Variants in LGALS13 observed in about 807,000 individuals in gnomAD.
LGALS13 encodes the protein galectin 13, also known as galactoside-binding soluble lectin 13.
Under a neutral mutation model 13.2 loss-of-function variants are expected in LGALS13, and 11 were observed. The observed-to-expected ratio is 0.83, with a 90% CI of 0.52 to 1.38. The LOEUF (loss-of-function observed/expected upper bound fraction) is 1.38, where lower values mean the gene tolerates loss of function less well. Ranked by LOEUF, LGALS13 falls within the 40% of genes most tolerant of loss-of-function variation. The pLI, the probability that LGALS13 is intolerant of heterozygous loss-of-function variation, is 0.00. For missense variants in LGALS13, 183 were observed against 174.3 expected, an observed-to-expected ratio of 1.05 and a Z score of -0.28; for synonymous variants, 71 against 63.7, an observed-to-expected ratio of 1.11 and a Z score of -0.54.
chr19:39,603,031 C>CTGTGAGTGTGTGTGCTGGGA (rs1323293944), intron 1 of LGALS13, among the ~76,000 whole-genome samples: 5 of 152,100 alleles, frequency 3.3e-5, no homozygotes, highest in Admixed American at 1.3e-4. Context: ...CTCTGTGTGA[C>CTGTGAGTGTGTGTGCTGGGA]TGTGAGTGTG....
intron 3 of LGALS13, among the ~76,000 whole-genome samples, chr19:39,606,490 T>C (rs1972690705): frequency 6.6e-6 from 1 of 152,144 alleles, no homozygotes; most frequent in African/African-American, 2.4e-5. Flanking sequence ...TACTAGAAGA[T>C]AATTACAAAA....
chr19:39,605,459 CTGGCCTCAGTAGTCCGT>C (rs1972673300), intron 3 of LGALS13, 71 bp downstream of exon 3: 3 of 1,281,950 alleles, frequency 2.3e-6, no homozygotes, highest in African/African-American at 1.5e-5. Flanking sequence ...TCTCATTGAT[CTGGCCTCAGTAGTCCGT>C]CAGGGTCCAT....
intron 3 of LGALS13, among the ~76,000 whole-genome samples, chr19:39,605,753 G>A (rs1972679282): frequency 6.6e-6 from 1 of 152,078 alleles, no homozygotes; most frequent in Non-Finnish European, 1.5e-5. Flanking sequence ...CACAAATTAA[G>A]TCTTTGTCTC....
At chr19:39,604,208 C>T (rs901917562) in intron 1 of LGALS13, among the ~76,000 whole-genome samples, 1 of 152,112 alleles carries the variant, frequency 6.6e-6, no homozygotes, top group Non-Finnish European at 1.5e-5. Context: ...TTAGGTCACC[C>T]TAAGAGGCCC....
intron 1 of LGALS13, 34 bp downstream of exon 1, chr19:39,602,617 G>C: frequency 6.2e-7 from 1 of 1,610,404 alleles, no homozygotes; most frequent in African/African-American, 1.3e-5. Context: ...CAAAAATTTC[G>C]TGTCACACAA....
In LGALS13 at chr19:39,607,390, C is replaced by A; in HGVS notation, c.*51C>A. On this transcript the variant is annotated 3_prime_UTR_variant, in exon 4 of 4. Transcript: ENST00000221797. ...TGAGGAATCCCTCTTTCTACCTGAC[C>A]ATGGGATTCCCAGAACCTGCTAACA... The A allele has an allele frequency of 8.3e-7, 1 of 1,200,382 alleles. No homozygotes were observed. Among genetic ancestry groups the A allele is most frequent in the Non-Finnish European group, 1.2e-6 (1 of 802,784 alleles). 74.4% of individuals were successfully genotyped at this position (1,200,382 alleles called of 1,614,324 possible).
At chr19:39,607,120 G>T (rs1972702539) in intron 3 of LGALS13, 103 bp from the exon 4 acceptor site, 1 of 826,862 alleles carries the variant, frequency 1.2e-6, no homozygotes, top group Non-Finnish European at 2.2e-6. Context: ...GTATAACTAG[G>T]AATTTTCTTG....
At chr19:39,604,296 T>C (rs1481267871) in intron 1 of LGALS13, among the ~76,000 whole-genome samples, 1 of 152,122 alleles carries the variant, frequency 6.6e-6, no homozygotes, top group East Asian at 1.9e-4. Flanking sequence ...AAAGTAGAAA[T>C]TCCTGATAAT....
chr19:39,606,950 T>C (rs982639066), intron 3 of LGALS13, among the ~76,000 whole-genome samples: 1 of 152,176 alleles, frequency 6.6e-6, no homozygotes, highest in African/African-American at 2.4e-5. Context: ...ATGGGGATCT[T>C]CCAGGTTAGA....
rs527708931 is a variant in LGALS13, at chr19:39,603,341, G to A, written c.15+758G>A. 3.9e-5 allele frequency among the ~76,000 whole-genome samples: 6 copies of A among 152,086 alleles called. No homozygotes were observed. In the East Asian group the frequency reaches 9.8e-4, roughly 25 times the overall value. On this transcript the variant is annotated intron_variant, in intron 1 of 3. Coordinates refer to ENST00000221797, the MANE Select transcript of LGALS13 (RefSeq NM_013268.3). ...CACTGTCTCTTGCCTCCCAGGCTCA[G>A]CTTGCCTGTCCCTAGCCCATCCAGT...
Position 39,607,417 on chromosome 19 carries a change from AAT to A in LGALS13, c.*80_*81del. ...TGGGATTCCCAGAACCTGCTAACAG[AAT>A]AATCCCTGCTCACATTTTCCCCTAC... On this transcript the variant is annotated 3_prime_UTR_variant, in exon 4 of 4. Transcript: ENST00000221797. 2 of 926,742 alleles carry A rather than the reference AAT, an allele frequency of 2.2e-6. No homozygotes were observed. Among genetic ancestry groups the A allele is most frequent in the Non-Finnish European group, 3.6e-6 (2 of 556,164 alleles). The allele number at this position is 926,742 out of a possible 1,614,324, so 57.4% of individuals were successfully genotyped here.
At chr19:39,603,837 G>A (rs1972638759) in intron 1 of LGALS13, 20 of 679,774 alleles carry the variant, frequency 2.9e-5, no homozygotes, top group Non-Finnish European at 3.4e-5. Flanking sequence ...GGGTGACAGA[G>A]CAAGAACCTA....
At chr19:39,604,731 C>G (rs376517148) in intron 2 of LGALS13, 53 bp downstream of exon 2, 6 of 1,600,116 alleles carry the variant, frequency 3.7e-6, no homozygotes, top group African/African-American at 1.3e-5. Context: ...AGAATATTTG[C>G]GAAGATTTGA....
chr19:39,603,972 G>A (rs1464805253), intron 1 of LGALS13: 2 of 985,310 alleles, frequency 2.0e-6, no homozygotes, highest in Non-Finnish European at 2.4e-6. Flanking sequence ...GCTCTCAGTA[G>A]TGTGTGCCCC....
At position 39,604,607 on chromosome 19, in the gene LGALS13, A is replaced by G. The variant is rs1600799175; in HGVS notation, c.21A>G (p.Pro7=). The G allele has an allele frequency of 6.2e-7, 1 of 1,614,210 alleles. No individual in the cohort carries two copies. Among genetic ancestry groups the G allele is most frequent in the African/African-American group, 1.3e-5 (1 of 75,062 alleles). ...TACTCTCAATACTCTGGCAGGTGCCATACAAACTGCCTGTGTCTTTGTCTG... is the reference window on the plus strand; with the variant it reads ...TACTCTCAATACTCTGGCAGGTGCCGTACAAACTGCCTGTGTCTTTGTCTG... MSSLPV[P]YKLPVSLSVG... Residue 7 remains proline (P), a synonymous_variant, in exon 2 of 4, where the codon CCA becomes CCG. Coordinates refer to ENST00000221797, the MANE Select transcript of LGALS13 (RefSeq NM_013268.3).
chr19:39,605,129 T>C, intron 2 of LGALS13, 49 bp from the exon 3 acceptor site: 2 of 1,452,928 alleles, frequency 1.4e-6, no homozygotes, highest in Non-Finnish European at 1.9e-6. Context: ...CGAGTGTGTG[T>C]CTGCGCAAGG....
At position 39,604,748 on chromosome 19, in the gene LGALS13, A is replaced by G. The variant is rs1343965496; in HGVS notation, c.92+70A>G. The G allele has an allele frequency of 4.5e-6, 7 of 1,557,420 alleles. No homozygotes were observed. In the Admixed American group the frequency reaches 6.7e-5, roughly 15 times the overall value. On this transcript the variant is annotated intron_variant, in intron 2 of 3. Transcript: ENST00000221797. ...AATATTTGCGAAGATTTGACCTTAC[A>G]TGTGGGTGATGTGGAAATGTCTAGT... is the stretch of plus-strand genomic sequence containing the variant.
At chr19:39,604,851 T>A (rs934882779) in intron 2 of LGALS13, among the ~76,000 whole-genome samples, 173 bp downstream of exon 2, 1 of 152,188 alleles carries the variant, frequency 6.6e-6, no homozygotes, top group African/African-American at 2.4e-5. Context: ...AGCAACTGCA[T>A]GTGGGCCAGC....
At chr19:39,605,416 C>G (rs766699644) in intron 3 of LGALS13, 28 bp downstream of exon 3, 6 of 1,595,438 alleles carry the variant, frequency 3.8e-6, no homozygotes, top group Admixed American at 1.7e-5. Flanking sequence ...TCCCAGCACC[C>G]AGGCTCTGTG....
Sources: allele counts gnomAD v4.1 joint callset (sites outside exome capture counted in the v4.1 genomes callset), GRCh38; gene constraint gnomAD v4.1.1; transcripts MANE v1.5; gene names NCBI Gene and HGNC (gene_info 2026-07-23, HGNC 2026-07-21).